The following RGS6 variants were observed in gnomAD, a reference collection of about 807,000 sequenced individuals.
The protein encoded by RGS6 is regulator of G-protein signaling 6.
Under a neutral mutation model 78.5 loss-of-function variants are expected in RGS6, and 30 were observed. That is an observed-to-expected ratio of 0.38 (90% CI 0.29 to 0.52). The LOEUF (loss-of-function observed/expected upper bound fraction) is 0.52, where lower values mean the gene tolerates loss of function less well. RGS6 is among the 20% of genes least tolerant of loss of function. The pLI is 0.85. For missense variants in RGS6, 495 were observed against 609.7 expected (o/e 0.81, Z 1.98); for synonymous variants, 206 against 206.0 (o/e 1.00, Z 0.00).
chr14:72,325,597 C>G (rs1198695253), intron 2 of RGS6, among the ~76,000 whole-genome samples: 2 of 152,040 alleles, frequency 1.3e-5, no homozygotes, highest in Non-Finnish European at 2.9e-5. Context: ...CCAGCACCAT[C>G]TATTAAATAG....
chr14:72,583,969 G>A, the RGS6 span, among the ~76,000 whole-genome samples: 1 of 152,196 alleles, frequency 6.6e-6, no homozygotes, highest in African/African-American at 2.4e-5. Flanking sequence ...AGCCAGTGGT[G>A]CAGGAGAAAA....
intron 1 of RGS6, among the ~76,000 whole-genome samples, chr14:71,941,101 A>G (rs979152174): frequency 6.6e-6 from 1 of 152,182 alleles, no homozygotes; most frequent in African/African-American, 2.4e-5. Context: ...CCCTGAGTTC[A>G]TCATTTTCTT....
intron 3 of RGS6, among the ~76,000 whole-genome samples, chr14:72,358,426 G>A (rs2080813987): frequency 6.6e-6 from 1 of 152,256 alleles, no homozygotes; most frequent in Non-Finnish European, 1.5e-5. Context: ...CAGGAAGGAG[G>A]CTGTACCCTG....
intron 15 of RGS6, among the ~76,000 whole-genome samples, chr14:72,523,351 T>C (rs1038323776): frequency 1.3e-5 from 2 of 152,190 alleles, no homozygotes; most frequent in African/African-American, 4.8e-5. Context: ...TTTGCCTCTC[T>C]GTTAAATGGG....
chr14:72,315,801 G>A (rs1356691524), intron 2 of RGS6, among the ~76,000 whole-genome samples: 2 of 152,314 alleles, frequency 1.3e-5, no homozygotes, highest in African/African-American at 2.4e-5. Flanking sequence ...ACATGGGCTA[G>A]GAAGAAAGGA....
chr14:72,522,226 A>G (rs1222307554), intron 15 of RGS6, among the ~76,000 whole-genome samples: 1 of 152,162 alleles, frequency 6.6e-6, no homozygotes, highest in African/African-American at 2.4e-5. Context: ...CTGTGTCCTT[A>G]TAACTCTGGT....
chr14:72,114,033 A>G (rs531452586), intron 2 of RGS6, among the ~76,000 whole-genome samples: 18 of 152,332 alleles, frequency 1.2e-4, no homozygotes, highest in African/African-American at 3.6e-4. Flanking sequence ...ATTGTAAAAG[A>G]CAAAGGACTT....
At chr14:71,987,054 G>A (rs866383146) in intron 2 of RGS6, among the ~76,000 whole-genome samples, 2 of 152,156 alleles carry the variant, frequency 1.3e-5, no homozygotes, top group East Asian at 1.9e-4. Flanking sequence ...CTTTTGCCAA[G>A]TCAAATAACA....
At position 72,184,290 on chromosome 14, in the gene RGS6, C is replaced by T. The variant is rs529009045; in HGVS notation, c.85-167805C>T. On this transcript the variant is annotated intron_variant, in intron 2 of 17. Coordinates refer to ENST00000553525, the MANE Select transcript of RGS6 (RefSeq NM_001204424.2). ...TACAGTCTGTGAGGCTTACAAATAC[C>T]TTCTTTAAGCTATTAGTAAAACAAA... Among the ~76,000 whole-genome samples the T allele has an allele frequency of 2.6e-5, 4 of 150,998 alleles. No individual in the cohort carries two copies. In the South Asian group the frequency reaches 8.4e-4, roughly 32 times the overall value.
intron 3 of RGS6, among the ~76,000 whole-genome samples, chr14:72,413,223 A>G (rs1320978896): frequency 1.3e-5 from 2 of 152,210 alleles, no homozygotes; most frequent in Non-Finnish European, 2.9e-5. Flanking sequence ...GTAGGTCACT[A>G]AGGGCTTGCT....
the RGS6 span, among the ~76,000 whole-genome samples, chr14:71,893,192 T>A: frequency 6.6e-6 from 1 of 152,266 alleles, no homozygotes; most frequent in Non-Finnish European, 1.5e-5. Context: ...CAGAGGCAAG[T>A]ACAACTAGAG....
At chr14:72,611,515 C>G in the RGS6 span, among the ~76,000 whole-genome samples, 1 of 147,764 alleles carries the variant, frequency 6.8e-6, no homozygotes, top group Admixed American at 6.6e-5. Context: ...GAAGCCCCCA[C>G]CCCCCCAGTC....
At chr14:72,423,298 A>T (rs991157817) in intron 3 of RGS6, among the ~76,000 whole-genome samples, 1 of 152,132 alleles carries the variant, frequency 6.6e-6, no homozygotes, top group South Asian at 2.1e-4. Flanking sequence ...CCCCCACCCC[A>T]TGTCATGTTT....
chr14:72,078,620 G>A (rs2094688078), intron 2 of RGS6, among the ~76,000 whole-genome samples: 1 of 151,866 alleles, frequency 6.6e-6, no homozygotes, highest in Non-Finnish European at 1.5e-5. Flanking sequence ...TTCACTATAC[G>A]TTAGCCAGGC....
intron 13 of RGS6, among the ~76,000 whole-genome samples, chr14:72,495,800 C>A (rs1264636294): frequency 1.3e-5 from 2 of 152,182 alleles, no homozygotes; most frequent in African/African-American, 4.8e-5. Flanking sequence ...TTTCATCACT[C>A]TGTTCTTCTG....
intron 2 of RGS6, among the ~76,000 whole-genome samples, chr14:72,227,954 T>C (rs2048530841): frequency 1.3e-5 from 2 of 152,174 alleles, no homozygotes; most frequent in Admixed American, 6.5e-5. Context: ...GGAGAACCTG[T>C]TCTGTATGAG....
intron 2 of RGS6, among the ~76,000 whole-genome samples, chr14:72,157,650 G>T (rs1039218243): frequency 6.6e-6 from 1 of 152,152 alleles, no homozygotes; most frequent in South Asian, 2.1e-4. Flanking sequence ...GGCAGTGGGG[G>T]AGCTGCTGGA....
At chr14:71,957,885 C>T (rs986267425) in intron 1 of RGS6, among the ~76,000 whole-genome samples, 1 of 152,050 alleles carries the variant, frequency 6.6e-6, no homozygotes, top group African/African-American at 2.4e-5. Flanking sequence ...CCCACATCAG[C>T]CTCCCGAGTA....
intron 2 of RGS6, among the ~76,000 whole-genome samples, chr14:72,056,711 A>G (rs151024990): frequency 2.5e-4 from 38 of 152,296 alleles, no homozygotes; most frequent in Non-Finnish European, 3.8e-4. Flanking sequence ...GGACTTTACC[A>G]TGAAATCTGG....
Sources: gnomAD v4.1 joint callset for allele counts (sites outside exome capture counted in the v4.1 genomes callset) on GRCh38, gnomAD v4.1.1 for gene constraint, MANE v1.5 for transcripts, NCBI Gene and HGNC (gene_info 2026-07-23, HGNC 2026-07-21) for gene names.